The following CHLSN variants were observed in gnomAD, a reference collection of about 807,000 sequenced individuals.
CHLSN encodes protein cholesin.
At chr7:1,105,984 G>A in the CHLSN span, among the ~76,000 whole-genome samples, 3 of 151,556 alleles carry the variant, frequency 2.0e-5, no homozygotes, top group Non-Finnish European at 4.4e-5. Flanking sequence ...AGCACACGGA[G>A]GGGAGAGGAG....
At chr7:1,047,222 C>T in the CHLSN span, among the ~76,000 whole-genome samples, 3 of 152,246 alleles carry the variant, frequency 2.0e-5, no homozygotes, top group Admixed American at 6.5e-5. Flanking sequence ...CGCTCACTGG[C>T]CCAGCAAGGT....
chr7:1,097,159 CA>C, the CHLSN span, among the ~76,000 whole-genome samples: 2 of 152,224 alleles, frequency 1.3e-5, no homozygotes, highest in South Asian at 4.1e-4. This position sits in a 1 kb window ranked among gnomAD's most constrained non-coding sequence, Gnocchi z 4.3. Flanking sequence ...CTCACAGACA[CA>C]CGCTCACATG....
At chr7:1,108,617 G>T in the CHLSN span, among the ~76,000 whole-genome samples, 1 of 152,176 alleles carries the variant, frequency 6.6e-6, no homozygotes, top group Non-Finnish European at 1.5e-5. Flanking sequence ...ATGTGTCTCC[G>T]CCAGCTAAAA....
chr7:1,081,486 G>A, the CHLSN span, among the ~76,000 whole-genome samples: 16 of 152,250 alleles, frequency 1.1e-4, no homozygotes, highest in South Asian at 2.1e-4. Context: ...GGCTTGGCAC[G>A]GCGCAGGGGT....
At chr7:1,095,276 C>T in the CHLSN span, among the ~76,000 whole-genome samples, 3 of 136,264 alleles carry the variant, frequency 2.2e-5, no homozygotes, top group Non-Finnish European at 3.1e-5. Flanking sequence ...GCCCCCCAAA[C>T]CCCCACCCCC....
the CHLSN span, chr7:983,451 G>GGCT: frequency 1.5e-6 from 2 of 1,352,572 alleles, no homozygotes; most frequent in African/African-American, 3.0e-5. Context: ...CCCCCTCCTG[G>GGCT]GGAAGCCCAG....
the CHLSN span, among the ~76,000 whole-genome samples, chr7:1,042,092 A>G: frequency 3.3e-5 from 5 of 152,054 alleles, no homozygotes; most frequent in African/African-American, 9.7e-5. Context: ...CACGGCACAC[A>G]GGAGCCTCGG....
At chr7:1,060,612 G>A in the CHLSN span, among the ~76,000 whole-genome samples, 1 of 152,240 alleles carries the variant, frequency 6.6e-6, no homozygotes, top group Non-Finnish European at 1.5e-5. Flanking sequence ...CTGCAAGCAG[G>A]TCAGAGTCGG....
the CHLSN span, among the ~76,000 whole-genome samples, chr7:1,135,447 A>G: frequency 6.6e-6 from 1 of 152,018 alleles, no homozygotes; most frequent in South Asian, 2.1e-4. Context: ...CTGTTTATAC[A>G]CATATATCTA....
chr7:1,058,378 G>A, the CHLSN span: 10 of 780,434 alleles, frequency 1.3e-5, no homozygotes, highest in African/African-American at 1.5e-4. Flanking sequence ...GCCTTCTCCA[G>A]CAGCTTTGTG....
At chr7:1,118,686 A>C in the CHLSN span, among the ~76,000 whole-genome samples, 7,369 of 151,616 alleles carry the variant, frequency 0.049, 602 homozygotes, top group African/African-American at 0.17. Context: ...TATGGCCGGG[A>C]AAGGTGGCTC....
chr7:1,024,314 A>G, the CHLSN span, among the ~76,000 whole-genome samples: 1 of 152,190 alleles, frequency 6.6e-6, no homozygotes, highest in Non-Finnish European at 1.5e-5. Flanking sequence ...ACGTGGGACC[A>G]GGAATGGGCC....
the CHLSN span, chr7:984,957 C>A: frequency 6.3e-7 from 1 of 1,599,344 alleles, no homozygotes; most frequent in South Asian, 1.1e-5. Flanking sequence ...CAGGCATCTT[C>A]TTCTCATCTG....
At chr7:1,135,645 T>G in the CHLSN span, among the ~76,000 whole-genome samples, 2 of 151,012 alleles carry the variant, frequency 1.3e-5, no homozygotes, top group African/African-American at 4.9e-5. Flanking sequence ...CACCTGCCTG[T>G]AAACCCAGCT....
the CHLSN span, among the ~76,000 whole-genome samples, chr7:1,080,554 G>T: frequency 3.9e-5 from 6 of 152,366 alleles, no homozygotes; most frequent in East Asian, 1.2e-3. Flanking sequence ...CCCAGGGACG[G>T]GCAGAGGAGT....
At chr7:1,068,040 C>T in the CHLSN span, among the ~76,000 whole-genome samples, 1 of 152,164 alleles carries the variant, frequency 6.6e-6, no homozygotes, top group Non-Finnish European at 1.5e-5. Context: ...GCACACGCTG[C>T]GGCCCCAGCA....
At chr7:1,136,025 TAA>T in the CHLSN span, among the ~76,000 whole-genome samples, 1 of 120,506 alleles carries the variant, frequency 8.3e-6, no homozygotes, top group African/African-American at 3.4e-5. Flanking sequence ...TATGTATATA[TAA>T]ATATATGTAT....
the CHLSN span, among the ~76,000 whole-genome samples, chr7:1,134,103 T>A: frequency 5.3e-5 from 8 of 151,792 alleles, no homozygotes; most frequent in Non-Finnish European, 1.2e-4. Flanking sequence ...GGCCCCAAAA[T>A]ATATATATAT....
the CHLSN span, among the ~76,000 whole-genome samples, chr7:1,001,037 C>T: frequency 6.6e-6 from 1 of 152,212 alleles, no homozygotes; most frequent in Non-Finnish European, 1.5e-5. Context: ...AGGGGCCGCT[C>T]CCCAGGGCCA....
Sources: gnomAD v4.1 joint callset for allele counts (sites outside exome capture counted in the v4.1 genomes callset) on GRCh38, gnomAD v4.1.1 for gene constraint, Gnocchi (gnomAD v3.1) non-coding constraint, MANE v1.5 for transcripts, NCBI Gene and HGNC (gene_info 2026-07-23, HGNC 2026-07-21) for gene names.